JMJD1C: variants seen among roughly 807,000 people sequenced by gnomAD.
JMJD1C encodes the protein jumonji domain containing 1C.
Under a neutral mutation model 245.3 loss-of-function variants are expected in JMJD1C, and 31 were observed. That is an observed-to-expected ratio of 0.13 (90% CI 0.09 to 0.17). JMJD1C has a LOEUF of 0.17. Ranked by LOEUF, JMJD1C falls within the 10% of genes least tolerant of loss-of-function variation. The probability of loss-of-function intolerance (pLI) is 1.00; values close to 1 mark genes in which losing one functional copy is unlikely to be tolerated. For missense variants in JMJD1C, 2,691 were observed against 3,000.2 expected (o/e 0.90, Z 2.41); for synonymous variants, 1,057 against 1,017.4 (o/e 1.04, Z -0.74).
intron 2 of JMJD1C, among the ~76,000 whole-genome samples, chr10:63,376,222 G>A (rs1475776754): frequency 6.6e-6 from 1 of 151,206 alleles, no homozygotes; most frequent in Non-Finnish European, 1.5e-5. Flanking sequence ...GCTGGAAAAA[G>A]TGGACATCTA....
chr10:63,268,651 T>C, intron 2 of JMJD1C: 38 of 955,940 alleles, frequency 4.0e-5, no homozygotes, highest in Non-Finnish European at 4.6e-5. Flanking sequence ...AGCAGAAAAA[T>C]ACAAACCGTA....
chr10:63,351,615 G>C (rs1944367259), intron 2 of JMJD1C, among the ~76,000 whole-genome samples: 1 of 152,116 alleles, frequency 6.6e-6, no homozygotes, highest in South Asian at 2.1e-4. Flanking sequence ...AGTTTATAGA[G>C]CCTTGTGGGG....
intron 2 of JMJD1C, among the ~76,000 whole-genome samples, chr10:63,306,452 C>T (rs1938247672): frequency 6.6e-6 from 1 of 152,080 alleles, no homozygotes; most frequent in Non-Finnish European, 1.5e-5. Flanking sequence ...CAATACAGAG[C>T]CTCAAACTCC....
At chr10:63,521,599 C>A in intron 1 of JMJD1C, 1 of 1,400,680 alleles carries the variant, frequency 7.1e-7, no homozygotes, top group Middle Eastern at 2.0e-4. Flanking sequence ...TCACTGCGCC[C>A]TGCAGCCGGC....
chr10:63,392,468 G>T (rs557478383), intron 1 of JMJD1C, among the ~76,000 whole-genome samples: 3 of 152,038 alleles, frequency 2.0e-5, no homozygotes, highest in Non-Finnish European at 4.4e-5. Flanking sequence ...GCTACTCATC[G>T]CACAAGTGAC....
Position 63,200,546 on chromosome 10 carries a change from G to A in JMJD1C, c.5206C>T (p.Leu1736Phe). 4 of 1,613,860 alleles carry A rather than the reference G, an allele frequency of 2.5e-6. No individual in the cohort carries two copies. Among genetic ancestry groups the A allele is most frequent in the Non-Finnish European group, 3.4e-6 (4 of 1,179,882 alleles). The change falls in exon 11 of 26, where the codon CTT becomes TTT. Residue 1736 changes from leucine (L) to phenylalanine (F), a missense_variant. By Grantham distance (22) the Leu-to-Phe change is conservative (BLOSUM62 0). Coordinates refer to ENST00000399262, the MANE Select transcript of JMJD1C (RefSeq NM_032776.3). ...TCTTCTCCTTTTTTACTGCGAATAA[G>A]TCTACATTCTCGACACTTTTGTAAA... is the stretch of plus-strand genomic sequence containing the variant. ...PNLQKCRECR[L>F]IRSKKGEEPA...
At chr10:63,431,569 A>G (rs1950749176) in intron 1 of JMJD1C, among the ~76,000 whole-genome samples, 1 of 152,216 alleles carries the variant, frequency 6.6e-6, no homozygotes, top group Non-Finnish European at 1.5e-5. Flanking sequence ...GTTCTGGAAG[A>G]CAGAGACGAT....
chr10:63,286,655 T>C (rs965820859), intron 2 of JMJD1C, among the ~76,000 whole-genome samples: 2 of 152,176 alleles, frequency 1.3e-5, no homozygotes, highest in Non-Finnish European at 2.9e-5. Flanking sequence ...TACCCAATTA[T>C]ACACACCAGG....
intron 2 of JMJD1C, among the ~76,000 whole-genome samples, chr10:63,275,746 A>T (rs1856716237): frequency 6.6e-6 from 1 of 152,222 alleles, no homozygotes; most frequent in African/African-American, 2.4e-5. Context: ...TTGTAAAATA[A>T]ATGCATGAAA....
chr10:63,477,553 C>CA (rs34332584), intron 1 of JMJD1C, among the ~76,000 whole-genome samples: 15 of 126,672 alleles, frequency 1.2e-4, no homozygotes, highest in African/African-American at 3.7e-4. Context: ...ATCCATATGT[C>CA]AAAAAAAAAA....
intron 2 of JMJD1C, among the ~76,000 whole-genome samples, chr10:63,366,450 A>C (rs1945849057): frequency 6.6e-6 from 1 of 152,194 alleles, no homozygotes; most frequent in South Asian, 2.1e-4. Context: ...ATAGCCATGA[A>C]TATAATGAGT....
At chr10:63,306,600 C>T (rs1052038465) in intron 2 of JMJD1C, among the ~76,000 whole-genome samples, 26 of 152,116 alleles carry the variant, frequency 1.7e-4, no homozygotes, top group Admixed American at 1.7e-3. Context: ...TATACCTAGG[C>T]TTACCTATTT....
chr10:63,329,369 G>A (rs1267485002), intron 2 of JMJD1C, among the ~76,000 whole-genome samples: 2 of 151,024 alleles, frequency 1.3e-5, no homozygotes, highest in South Asian at 2.1e-4. Context: ...GTATTTTGCA[G>A]ACTGTGAATA....
chr10:63,433,491 TCATTCACAAAC>T (rs1242771832), intron 1 of JMJD1C, among the ~76,000 whole-genome samples: 2 of 152,078 alleles, frequency 1.3e-5, no homozygotes, highest in African/African-American at 4.8e-5. Flanking sequence ...TTCAATTACG[TCATTCACAAAC>T]CATGATGATA....
intron 2 of JMJD1C, among the ~76,000 whole-genome samples, chr10:63,314,838 G>C (rs918371309): frequency 1.3e-5 from 2 of 151,934 alleles, no homozygotes; most frequent in Non-Finnish European, 2.9e-5. Flanking sequence ...AGTAGAGACA[G>C]AGTTTCACCA....
At chr10:63,451,681 G>A (rs1952078509) in intron 1 of JMJD1C, among the ~76,000 whole-genome samples, 1 of 152,066 alleles carries the variant, frequency 6.6e-6, no homozygotes, top group South Asian at 2.1e-4. Flanking sequence ...CCACCTTAAG[G>A]CTGATAAAGC....
At chr10:63,209,265 C>T in intron 8 of JMJD1C, 30 bp from the exon 9 acceptor site, 3 of 1,563,506 alleles carry the variant, frequency 1.9e-6, no homozygotes, top group Non-Finnish European at 2.6e-6. Flanking sequence ...AAAAAAACAC[C>T]TAGATTTCAG....
At chr10:63,258,239 G>A (rs550351989) in intron 3 of JMJD1C, among the ~76,000 whole-genome samples, 2 of 152,308 alleles carry the variant, frequency 1.3e-5, no homozygotes, top group South Asian at 4.1e-4. Context: ...CTTTCCCAAT[G>A]TGAACTAGCT....
chr10:63,294,282 T>G (rs897264836), intron 2 of JMJD1C, among the ~76,000 whole-genome samples: 1 of 139,724 alleles, frequency 7.2e-6, no homozygotes, highest in Admixed American at 7.2e-5. Context: ...CAGTTCAATC[T>G]TTTTTTTTTT....
Sources: allele counts gnomAD v4.1 joint callset (sites outside exome capture counted in the v4.1 genomes callset), GRCh38; gene constraint gnomAD v4.1.1; transcripts MANE v1.5; gene names NCBI Gene and HGNC (gene_info 2026-07-23, HGNC 2026-07-21).